Variants in SNRPN observed in about 807,000 individuals in gnomAD.
The protein encoded by SNRPN is small nuclear ribonucleoprotein polypeptide N, also known as small nuclear ribonucleoprotein-associated protein N.
A neutral mutation model predicts 25.2 loss-of-function variants in SNRPN; 7 were observed. That is an observed-to-expected ratio of 0.28 (90% CI 0.16 to 0.52). SNRPN has a LOEUF of 0.52. Ranked by LOEUF, SNRPN falls within the 20% of genes least tolerant of loss-of-function variation. The pLI, the probability that SNRPN is intolerant of heterozygous loss-of-function variation, is 0.96. For synonymous variants in SNRPN, 124 were observed against 110.6 expected (o/e 1.12, Z -0.76); for missense variants, 196 against 322.5 (o/e 0.61, Z 3.00).
At chr15:24,868,228 G>A (rs2054776183) in intron 1 of SNRPN, among the ~76,000 whole-genome samples, 1 of 151,996 alleles carries the variant, frequency 6.6e-6, no homozygotes, top group African/African-American at 2.4e-5. Flanking sequence ...AATGACTATT[G>A]TTTCCTTATT....
At chr15:24,884,935 G>T (rs1194629752) in intron 1 of SNRPN, among the ~76,000 whole-genome samples, 1 of 152,258 alleles carries the variant, frequency 6.6e-6, no homozygotes, top group African/African-American at 2.4e-5. Flanking sequence ...CTCAGCTATA[G>T]AGTAGAGCAT....
intron 2 of SNRPN, among the ~76,000 whole-genome samples, chr15:24,843,317 G>C (rs2051861967): frequency 6.6e-6 from 1 of 152,172 alleles, no homozygotes; most frequent in Non-Finnish European, 1.5e-5. Context: ...TGGGAAAATA[G>C]ATCTTAGCGC....
intron 1 of SNRPN, among the ~76,000 whole-genome samples, chr15:24,956,578 AGTGGGGCGAGAC>A (rs555314066): frequency 1.3e-5 from 2 of 152,188 alleles, no homozygotes; most frequent in Non-Finnish European, 2.9e-5. Context: ...CTCCGCTTGC[AGTGGGGCGAGAC>A]GTGGGGCAGG....
chr15:24,878,497 G>GA (rs2056225674), intron 1 of SNRPN, among the ~76,000 whole-genome samples: 1 of 152,220 alleles, frequency 6.6e-6, no homozygotes, highest in Non-Finnish European at 1.5e-5. Flanking sequence ...CCGAGGGTCT[G>GA]TTCCGCTTAT....
At chr15:24,867,751 G>A (rs540055132) in intron 1 of SNRPN, among the ~76,000 whole-genome samples, 4 of 152,050 alleles carry the variant, frequency 2.6e-5, no homozygotes, top group Admixed American at 6.6e-5. Flanking sequence ...TCTTTTCATT[G>A]GTGGTTTTGA....
At chr15:24,918,935 GCACATATATATAACATAATATATATGCGC>G (rs2059838462) in intron 2 of SNRPN, among the ~76,000 whole-genome samples, 3 of 46,248 alleles carry the variant, frequency 6.5e-5, no homozygotes, top group African/African-American at 3.6e-4. Flanking sequence ...ATATATATGC[GCACATATATATAACATAATATATATGCGC>G]GCATATATAT....
At chr15:24,858,800 G>T (rs1245826068) in intron 1 of SNRPN, among the ~76,000 whole-genome samples, 1 of 151,878 alleles carries the variant, frequency 6.6e-6, no homozygotes, top group African/African-American at 2.4e-5. Flanking sequence ...GACTCTGTGG[G>T]GTATGATGAG....
chr15:24,922,546 T>A (rs2060092581), intron 3 of SNRPN, among the ~76,000 whole-genome samples: 1 of 152,208 alleles, frequency 6.6e-6, no homozygotes, highest in Non-Finnish European at 1.5e-5. Flanking sequence ...TGACCTTTTA[T>A]TCTGACTGAG....
chr15:24,949,923 G>T (rs974541242), intron 3 of SNRPN, among the ~76,000 whole-genome samples: 2 of 151,592 alleles, frequency 1.3e-5, no homozygotes, highest in Middle Eastern at 3.4e-3. Flanking sequence ...AACCTCCCTG[G>T]CTCAAGCAGT....
At chr15:24,892,844 C>T (rs2057784818) in intron 2 of SNRPN, among the ~76,000 whole-genome samples, 1 of 152,026 alleles carries the variant, frequency 6.6e-6, no homozygotes, top group African/African-American at 2.4e-5. Flanking sequence ...CAAGAAAAGG[C>T]TTTTTGTCAA....
chr15:24,958,426 G>A (rs1171790396), intron 1 of SNRPN, among the ~76,000 whole-genome samples: 1 of 142,046 alleles, frequency 7.0e-6, no homozygotes, highest in Non-Finnish European at 1.5e-5. Context: ...GAAAGCTTGA[G>A]TGAGAATTGT....
At chr15:24,835,017 TAAAA>T (rs2050959012) in intron 2 of SNRPN, among the ~76,000 whole-genome samples, 1 of 64,990 alleles carries the variant, frequency 1.5e-5, no homozygotes, top group African/African-American at 5.3e-5. Flanking sequence ...TATCTATATA[TAAAA>T]TAGATATATA....
intron 3 of SNRPN, among the ~76,000 whole-genome samples, chr15:24,971,479 A>G (rs760930132): frequency 3.4e-4 from 52 of 151,514 alleles, no homozygotes; most frequent in Non-Finnish European, 6.6e-4. Flanking sequence ...TAGGAGGTCA[A>G]CTCCTATTGT....
At chr15:24,958,277 T>G (rs968387709) in intron 1 of SNRPN, among the ~76,000 whole-genome samples, 3 of 152,078 alleles carry the variant, frequency 2.0e-5, no homozygotes, top group African/African-American at 7.2e-5. Context: ...GCCCTCTGTT[T>G]AGCTATTTTT....
chr15:24,923,923 A>ATTT lies in SNRPN; in HGVS notation c.-391+3822_-391+3824dup, dbSNP rs34575205. On this transcript the variant is annotated intron_variant, in intron 3 of 11. Transcript: ENST00000400097. The stretch of plus-strand genomic sequence containing the variant: ...TGTGTGTGTGTGTGTGTATATAAAC[A>ATTT]TTTTTTTTTTTTTTTTTTTTTTTTT... Among the ~76,000 whole-genome samples, 21 of 89,916 alleles carry ATTT rather than the reference A, an allele frequency of 2.3e-4. 5 individuals are homozygous for ATTT. The highest frequency in any genetic ancestry group is 7.0e-4 in the African/African-American group (15 of 21,490). 59.0% of individuals were successfully genotyped at this position (89,916 alleles called of 152,430 possible).
intron 1 of SNRPN, among the ~76,000 whole-genome samples, chr15:24,859,758 T>G (rs1037933127): frequency 6.6e-6 from 1 of 152,196 alleles, no homozygotes; most frequent in Non-Finnish European, 1.5e-5. Context: ...ATTCCCATTT[T>G]CATGGTTATT....
chr15:24,912,047 CA>C (rs1051851456), intron 2 of SNRPN, among the ~76,000 whole-genome samples: 1 of 152,176 alleles, frequency 6.6e-6, no homozygotes, highest in African/African-American at 2.4e-5. Context: ...GAGGTAGAAT[CA>C]AAAAAGCTGA....
chr15:24,903,232 A>C (rs2151619041), intron 2 of SNRPN, among the ~76,000 whole-genome samples: 1 of 152,328 alleles, frequency 6.6e-6, no homozygotes, highest in Non-Finnish European at 1.5e-5. Flanking sequence ...ATGGCACATT[A>C]ATTCTTTGAT....
intron 1 of SNRPN, among the ~76,000 whole-genome samples, chr15:24,860,208 TA>T (rs1322833869): frequency 2.0e-5 from 3 of 152,152 alleles, no homozygotes; most frequent in African/African-American, 4.8e-5. Context: ...GGGCAGACCT[TA>T]ATAAAAATAA....
Sources: gnomAD v4.1 joint callset for allele counts (sites outside exome capture counted in the v4.1 genomes callset) on GRCh38, gnomAD v4.1.1 for gene constraint, MANE v1.5 for transcripts, NCBI Gene and HGNC (gene_info 2026-07-23, HGNC 2026-07-21) for gene names.